Variants in PPP4R4 observed in about 807,000 individuals in gnomAD.
The protein encoded by PPP4R4 is serine/threonine-protein phosphatase 4 regulatory subunit 4.
PPP4R4 carries 70 observed loss-of-function variants against 121.8 expected under a neutral mutation model. The observed-to-expected ratio is 0.57, with a 90% CI of 0.47 to 0.70. PPP4R4 has a LOEUF of 0.70. PPP4R4 is among the 30% of genes least tolerant of loss of function. PPP4R4 has a pLI of 0.00. For synonymous variants in PPP4R4, 348 were observed against 355.7 expected, an observed-to-expected ratio of 0.98 and a Z score of 0.24; for missense variants, 875 against 1,033.6, an observed-to-expected ratio of 0.85 and a Z score of 2.10.
At chr14:94,189,967 A>T in intron 2 of PPP4R4, among the ~76,000 whole-genome samples, 1 of 152,038 alleles carries the variant, frequency 6.6e-6, no homozygotes. Flanking sequence ...TATTTAGGTT[A>T]GTTAATTGGG....
chr14:94,276,897 T>C (rs1894672565), intron 24 of PPP4R4, among the ~76,000 whole-genome samples: 1 of 152,192 alleles, frequency 6.6e-6, no homozygotes, highest in Non-Finnish European at 1.5e-5. Flanking sequence ...AAAATGAACA[T>C]TGATATTACA....
At chr14:94,264,135 C>T (rs1327475465) in intron 19 of PPP4R4, among the ~76,000 whole-genome samples, 1 of 152,032 alleles carries the variant, frequency 6.6e-6, no homozygotes, top group Non-Finnish European at 1.5e-5. Flanking sequence ...AATTTGTGTA[C>T]TTTCTTTATA....
chr14:94,232,589 A>G (rs1185735528), intron 5 of PPP4R4, among the ~76,000 whole-genome samples: 2 of 152,180 alleles, frequency 1.3e-5, no homozygotes, highest in Non-Finnish European at 2.9e-5. Context: ...TAGATATGTA[A>G]TTTATTCTAA....
intron 3 of PPP4R4, among the ~76,000 whole-genome samples, chr14:94,221,426 GA>G (rs796985161): frequency 3.9e-5 from 6 of 152,142 alleles, no homozygotes; most frequent in African/African-American, 1.4e-4. Context: ...CAGAATGGGA[GA>G]AAATATTTGT....
intron 23 of PPP4R4, 90 bp from the exon 24 acceptor site, chr14:94,275,284 A>G: frequency 7.0e-7 from 1 of 1,422,672 alleles, no homozygotes; most frequent in Non-Finnish European, 9.7e-7. Context: ...AAAAGGTGAA[A>G]AAGTTAGCTA....
At chr14:94,265,562 AG>A in intron 21 of PPP4R4, 89 bp downstream of exon 21, 1 of 1,159,012 alleles carries the variant, frequency 8.6e-7, no homozygotes. Context: ...GATGAGATAC[AG>A]TAGGATAATA....
chr14:94,188,465 A>G (rs1222478337), intron 2 of PPP4R4, among the ~76,000 whole-genome samples: 4 of 152,108 alleles, frequency 2.6e-5, no homozygotes, highest in African/African-American at 4.8e-5. Flanking sequence ...GTATTCTGTT[A>G]CACTGCTTAG....
At chr14:94,245,104 G>A (rs60098923) in intron 12 of PPP4R4, among the ~76,000 whole-genome samples, 15,170 of 151,672 alleles carry the variant, frequency 0.1, 817 homozygotes, top group Middle Eastern at 0.16. Context: ...TTTATAACTT[G>A]TTTCTCTTGC....
intron 19 of PPP4R4, 113 bp from the exon 20 acceptor site, chr14:94,264,765 C>A: frequency 1.2e-6 from 1 of 807,086 alleles, no homozygotes; most frequent in East Asian, 2.6e-5. Context: ...AAAAATACTT[C>A]TTTTAGGCAT....
At chr14:94,217,908 C>T (rs963630667) in intron 3 of PPP4R4, among the ~76,000 whole-genome samples, 8 of 152,126 alleles carry the variant, frequency 5.3e-5, no homozygotes, top group East Asian at 1.9e-4. Context: ...GCAGGAGAAT[C>T]GCTTGAACCC....
At chr14:94,276,375 A>G (rs1894639799) in intron 24 of PPP4R4, among the ~76,000 whole-genome samples, 1 of 152,246 alleles carries the variant, frequency 6.6e-6, no homozygotes, top group South Asian at 2.1e-4. Context: ...TGCTATAAAG[A>G]AATACCTGGG....
In PPP4R4 at chr14:94,174,469, C is replaced by T. The variant is rs367876271; in HGVS notation, c.4C>T (p.His2Tyr). ...CGGCGAGAGTGCCCGGCGGTCCATG[C>T]ATCCGCCGCCGCCCGCCGCCGCGAT... M[H>Y]PPPPAAAMDF... The change falls in exon 1 of 25, where the codon CAT becomes TAT. Residue 2 changes from histidine to tyrosine, a missense_variant. Coordinates refer to ENST00000304338, the MANE Select transcript of PPP4R4 (RefSeq NM_058237.2). 1 of 1,601,906 alleles carries T rather than the reference C, an allele frequency of 6.2e-7. No individual in the cohort carries two copies. The highest frequency in any genetic ancestry group is 1.4e-5 in the African/African-American group (1 of 73,676).
intron 2 of PPP4R4, among the ~76,000 whole-genome samples, chr14:94,207,981 T>C (rs2139449023): frequency 6.6e-6 from 1 of 152,076 alleles, no homozygotes; most frequent in Admixed American, 6.6e-5. Flanking sequence ...GAGTCAAATC[T>C]AGTGTAACAA....
At chr14:94,268,619 G>A (rs941453555) in intron 23 of PPP4R4, among the ~76,000 whole-genome samples, 16 of 152,238 alleles carry the variant, frequency 1.1e-4, no homozygotes, top group Admixed American at 9.2e-4. Context: ...AAAGGAAGAG[G>A]TTTAATTGAC....
chr14:94,175,989 G>C, intron 1 of PPP4R4, 65 bp from the exon 2 acceptor site: 1 of 1,237,254 alleles, frequency 8.1e-7, no homozygotes, highest in Non-Finnish European at 1.2e-6. Flanking sequence ...AGGGTCACTG[G>C]GAGGTTGGGG....
intron 24 of PPP4R4, among the ~76,000 whole-genome samples, chr14:94,277,132 C>G (rs1384482642): frequency 2.6e-5 from 4 of 152,078 alleles, no homozygotes; most frequent in Non-Finnish European, 5.9e-5. Flanking sequence ...AACCCTGTCT[C>G]TACTAAAAAA....
chr14:94,188,744 A>T (rs1439671485), intron 2 of PPP4R4, among the ~76,000 whole-genome samples: 1 of 152,178 alleles, frequency 6.6e-6, no homozygotes, highest in Non-Finnish European at 1.5e-5. Flanking sequence ...CACCACAAAA[A>T]GTCAGTATGT....
chr14:94,185,109 A>C (rs1889197479), intron 2 of PPP4R4, among the ~76,000 whole-genome samples: 1 of 152,164 alleles, frequency 6.6e-6, no homozygotes, highest in African/African-American at 2.4e-5. Context: ...TTTAAGACAG[A>C]CCCAGATTTA....
At position 94,178,243 on chromosome 14, in the gene PPP4R4, A is replaced by G. The variant is rs779612655; in HGVS notation, c.191+2116A>G. 2.0e-5 allele frequency among the ~76,000 whole-genome samples: 3 copies of G among 151,426 alleles called. 1 individual carries two copies. Among genetic ancestry groups the G allele is most frequent in the Admixed American group, 1.3e-4 (2 of 15,216 alleles). ...ATTTATTCCTTTTTTTCTAGTTTGT[A>G]CTTTGCTGAGTCCTTTTTTCCGTCT... On this transcript the variant is annotated intron_variant, in intron 2 of 24. Coordinates refer to ENST00000304338, the MANE Select transcript of PPP4R4 (RefSeq NM_058237.2).
Sources: allele counts gnomAD v4.1 joint callset (sites outside exome capture counted in the v4.1 genomes callset), GRCh38; gene constraint gnomAD v4.1.1; transcripts MANE v1.5; gene names NCBI Gene and HGNC (gene_info 2026-07-23, HGNC 2026-07-21).